MKKS: variants seen among roughly 807,000 people sequenced by gnomAD.
MKKS encodes molecular chaperone MKKS.
In MKKS, 29 loss-of-function variants were observed where a neutral mutation model predicts 33.2. The ratio of observed to expected loss-of-function variants is 0.87; its 90% CI spans 0.65 to 1.19. The LOEUF (loss-of-function observed/expected upper bound fraction) is 1.19. Ranked by LOEUF, MKKS falls within the 50% of genes most tolerant of loss-of-function variation. The probability of loss-of-function intolerance (pLI) is 0.00; values close to 1 mark genes in which losing one functional copy is unlikely to be tolerated. For missense variants in MKKS, 661 were observed against 662.3 expected, an observed-to-expected ratio of 1.00 and a Z score of 0.02; for synonymous variants, 260 against 244.0, an observed-to-expected ratio of 1.07 and a Z score of -0.61.
chr20:10,421,639 A>G (rs915514365), intron 1 of MKKS, among the ~76,000 whole-genome samples: 4 of 152,108 alleles, frequency 2.6e-5, no homozygotes, highest in Non-Finnish European at 4.4e-5. Context: ...TTCCACATTT[A>G]TGTGCAAAAC....
chr20:10,407,498 T>A, intron 5 of MKKS, 118 bp downstream of exon 5: 1 of 868,634 alleles, frequency 1.2e-6, no homozygotes, highest in Non-Finnish European at 1.9e-6. Flanking sequence ...CATGCACCCC[T>A]GAACCTAAAA....
At chr20:10,421,154 G>T (rs995619949) in intron 1 of MKKS, among the ~76,000 whole-genome samples, 29 of 152,144 alleles carry the variant, frequency 1.9e-4, no homozygotes, top group South Asian at 2.1e-4. Flanking sequence ...TACAGGCTGA[G>T]GGTGGTGGCT....
Position 10,409,397 on chromosome 20 carries a change from TTAAG to T in MKKS, c.986-598_986-595del, listed in dbSNP as rs147854784. On this transcript the variant is annotated intron_variant, in intron 3 of 5. Coordinates refer to ENST00000347364, the MANE Select transcript of MKKS (RefSeq NM_170784.3). The stretch of plus-strand genomic sequence containing the variant: ...TATTTCACTGCTATTATTTGATATA[TTAAG>T]TATTTTGTCCTCCTACCTGCACATG... Among the ~76,000 whole-genome samples, 572 of 152,304 alleles carry T rather than the reference TTAAG, an allele frequency of 3.8e-3. 2 individuals carry two copies. The highest frequency in any genetic ancestry group is 5.2e-3 in the Non-Finnish European group (351 of 68,028).
chr20:10,408,564 TAAC>T (rs2064858874), intron 4 of MKKS, 61 bp downstream of exon 4: 1 of 1,545,122 alleles, frequency 6.5e-7, no homozygotes, highest in East Asian at 2.2e-5. Context: ...AAAATCATAA[TAAC>T]TATTGAGTGA....
chr20:10,432,161 T>TA (rs2065058319), intron 1 of MKKS, among the ~76,000 whole-genome samples: 1 of 152,198 alleles, frequency 6.6e-6, no homozygotes. Flanking sequence ...TCAAGGGGTA[T>TA]AAAAGCCTGG....
chr20:10,412,760 G>A lies in MKKS; in HGVS notation c.755C>T (p.Thr252Ile), dbSNP rs966194067. 1.2e-6 allele frequency: 2 copies of A among 1,614,174 alleles called. No homozygotes were observed. The highest frequency in any genetic ancestry group is 1.1e-5 in the South Asian group (1 of 91,084). Reference sequence around the variant, plus strand: ...CACAGTTCCTTCTCCAGTGTCAGAAGTGTCTCCGGATAAAGTTGTACAAAA... The same window carrying A: ...CACAGTTCCTTCTCCAGTGTCAGAAATGTCTCCGGATAAAGTTGTACAAAA... The part of the protein sequence containing the change: ...ALFCTTLSGD[T>I]SDTGEGTVVV... Residue 252 changes from threonine (T) to isoleucine (I), a missense_variant, in exon 3 of 6, where the codon ACT becomes ATT. Thr to Ile is a moderately conservative substitution (Grantham distance 89). Transcript: ENST00000347364.
At chr20:10,427,203 T>C (rs1185959233) in intron 1 of MKKS, among the ~76,000 whole-genome samples, 1 of 152,186 alleles carries the variant, frequency 6.6e-6, no homozygotes, top group African/African-American at 2.4e-5. Context: ...TTTTAATTGC[T>C]TCCTGCAAAA....
intron 2 of MKKS, among the ~76,000 whole-genome samples, chr20:10,419,371 T>G (rs2064963354): frequency 6.6e-6 from 1 of 152,106 alleles, no homozygotes; most frequent in Admixed American, 6.5e-5. Flanking sequence ...ATAATCAATA[T>G]AATCATAATA....
chr20:10,423,324 G>A (rs2064994108), intron 1 of MKKS, among the ~76,000 whole-genome samples: 1 of 152,106 alleles, frequency 6.6e-6, no homozygotes, highest in Admixed American at 6.5e-5. Flanking sequence ...GGGGTGCTGA[G>A]GTAGGAGGAT....
intron 2 of MKKS, among the ~76,000 whole-genome samples, chr20:10,415,842 T>C (rs2064934678): frequency 6.6e-6 from 1 of 152,162 alleles, no homozygotes; most frequent in Middle Eastern, 3.4e-3. Flanking sequence ...AGTACACATA[T>C]CTTTTGGCTA....
chr20:10,411,047 CGCAA>C (rs2064881748), intron 3 of MKKS, among the ~76,000 whole-genome samples: 1 of 150,268 alleles, frequency 6.7e-6, no homozygotes, highest in Admixed American at 6.6e-5. Flanking sequence ...AGTGCAGTGG[CGCAA>C]TCTCGGTTCA....
chr20:10,411,623 A>G (rs534593748), intron 3 of MKKS, among the ~76,000 whole-genome samples: 2 of 152,316 alleles, frequency 1.3e-5, no homozygotes, highest in South Asian at 4.1e-4. Flanking sequence ...CAGAGATATT[A>G]TGTATTCAAC....
Position 10,424,701 on chromosome 20 carries a change from G to A in MKKS, c.-648-3943C>T, listed in dbSNP as rs559550473. Among the ~76,000 whole-genome samples the A allele has an allele frequency of 2.0e-5, 3 of 152,212 alleles. No homozygotes were observed. In the South Asian group the frequency reaches 6.2e-4, roughly 32 times the overall value. On this transcript the variant is annotated intron_variant, in intron 1 of 5. Coordinates refer to ENST00000347364, the MANE Select transcript of MKKS (RefSeq NM_170784.3). ...TACTTACAATCAAACATATTTTGGGGATACAATTTAAATTTAGCACTTTTT... is the reference window on the plus strand; with the variant it reads ...TACTTACAATCAAACATATTTTGGGAATACAATTTAAATTTAGCACTTTTT...
At chr20:10,410,842 T>C (rs1368765008) in intron 3 of MKKS, among the ~76,000 whole-genome samples, 3 of 152,044 alleles carry the variant, frequency 2.0e-5, no homozygotes, top group Admixed American at 2.0e-4. Context: ...TGCCTGGTAG[T>C]TTTCCCCCTT....
At position 10,408,478 on chromosome 20, in the gene MKKS, A is replaced by C. The variant is rs74356748; in HGVS notation, c.1161+150T>G. 1,016 of 764,050 alleles carry C rather than the reference A, an allele frequency of 1.3e-3. 7 individuals carry two copies. In the African/African-American group the frequency reaches 0.015, roughly 11 times the overall value. The allele number at this position is 764,050 out of a possible 1,614,324, so 47.3% of individuals were successfully genotyped here. A position where few individuals can be genotyped will look rare whatever the true frequency, so the allele number is the denominator to read the frequency against. ...ATTTATTATAATGCCACAGGCATTT[A>C]AATTAGCTTACTTGTGACTTTGCAT... On this transcript the variant is annotated intron_variant, in intron 4 of 5. Coordinates refer to ENST00000347364, the MANE Select transcript of MKKS (RefSeq NM_170784.3).
rs1320319365 is a variant in MKKS, at chr20:10,401,510, C to T, written c.*3737G>A. 6.6e-6 allele frequency: 1 copy of T among 152,108 alleles called. No homozygotes were observed. The highest frequency in any genetic ancestry group is 1.5e-5 in the Non-Finnish European group (1 of 68,018). The allele number at this position is 152,108 out of a possible 1,614,324, so 9.4% of individuals were successfully genotyped here. On this transcript the variant is annotated 3_prime_UTR_variant, in exon 6 of 6. Coordinates refer to ENST00000347364, the MANE Select transcript of MKKS (RefSeq NM_170784.3). ...ATGTTTAGTCTCTTTGACTATTCCCCAAAGATTATCAGGAAGGAATAACCT... is the reference window on the plus strand; with the variant it reads ...ATGTTTAGTCTCTTTGACTATTCCCTAAAGATTATCAGGAAGGAATAACCT...
At chr20:10,418,598 C>T (rs1010388565) in intron 2 of MKKS, among the ~76,000 whole-genome samples, 1 of 152,084 alleles carries the variant, frequency 6.6e-6, no homozygotes, top group Non-Finnish European at 1.5e-5. Context: ...TTAACTATTG[C>T]TGCACTGGCA....
At position 10,405,637 on chromosome 20, in the gene MKKS, T is replaced by G. The variant is rs1408023093; in HGVS notation, c.1323A>C (p.Thr441=). The change falls in exon 6 of 6, where the codon ACA becomes ACC. Residue 441 remains threonine, a synonymous_variant. Transcript: ENST00000347364. Reference sequence around the variant, plus strand: ...ATGCTTCAGCAATTAATTGAAGTTCTGTTTGAGTACATTCATCATCTTTGA... The same window carrying G: ...ATGCTTCAGCAATTAATTGAAGTTCGGTTTGAGTACATTCATCATCTTTGA... ...SILKDDECTQ[T]ELQLIAEAFC... The G allele has an allele frequency of 3.1e-6, 5 of 1,614,202 alleles. No homozygotes were observed. In the South Asian group the frequency reaches 5.5e-5, roughly 18 times the overall value.
At position 10,413,134 on chromosome 20, in the gene MKKS, G is replaced by A. The variant is rs1018814197; in HGVS notation, c.381C>T (p.Cys127=). ...IRLNKHLLSL[C]ISYLKSETCG... is the part of the protein sequence containing the mutation. ...AGGTCTCAGACTTGAGATAACTGAT[G>A]CAAAGACTCAAAAGATGTTTATTTA... Residue 127 remains cysteine (C), a synonymous_variant, in exon 3 of 6, where the codon TGC becomes TGT. Coordinates refer to ENST00000347364, the MANE Select transcript of MKKS (RefSeq NM_170784.3). The A allele has an allele frequency of 6.2e-7, 1 of 1,613,944 alleles. No homozygotes were observed. Among genetic ancestry groups the A allele is most frequent in the Non-Finnish European group, 8.5e-7 (1 of 1,180,048 alleles).
Sources: gnomAD v4.1 joint callset for allele counts (sites outside exome capture counted in the v4.1 genomes callset) on GRCh38, gnomAD v4.1.1 for gene constraint, MANE v1.5 for transcripts, NCBI Gene and HGNC (gene_info 2026-07-23, HGNC 2026-07-21) for gene names.